Variants in PLA2G6 observed in about 807,000 individuals in gnomAD.
PLA2G6 encodes phospholipase A2 group VI, also known as 85/88 kDa calcium-independent phospholipase A2.
PLA2G6 carries 62 observed loss-of-function variants against 83.8 expected under a neutral mutation model. The observed-to-expected ratio is 0.74, with a 90% CI of 0.60 to 0.91. PLA2G6 has a LOEUF of 0.91. Ranked by LOEUF, PLA2G6 falls within the 40% of genes least tolerant of loss-of-function variation. PLA2G6 has a pLI of 0.00. For missense variants in PLA2G6, 944 were observed against 1,102.0 expected (o/e 0.86, Z 2.03); for synonymous variants, 417 against 449.8 (o/e 0.93, Z 0.92).
At chr22:38,118,329 T>C (rs1409151840) in intron 12 of PLA2G6, among the ~76,000 whole-genome samples, 2 of 152,182 alleles carry the variant, frequency 1.3e-5, no homozygotes, top group Non-Finnish European at 2.9e-5. Context: ...AAAGCTTAGC[T>C]GTTGTAGCTA....
chr22:38,162,604 C>G (rs1239768554), intron 2 of PLA2G6, among the ~76,000 whole-genome samples: 1 of 152,120 alleles, frequency 6.6e-6, no homozygotes, highest in Non-Finnish European at 1.5e-5. Context: ...TAAAGGCCAG[C>G]GCGTGGTCAT....
intron 1 of PLA2G6, among the ~76,000 whole-genome samples, chr22:38,175,529 T>C (rs1289549971): frequency 2.0e-5 from 3 of 152,228 alleles, no homozygotes; most frequent in African/African-American, 7.2e-5. Context: ...CTCAGTGCAC[T>C]TGGGGATACC....
intron 1 of PLA2G6, among the ~76,000 whole-genome samples, chr22:38,171,171 T>G (rs2090425259): frequency 2.3e-5 from 2 of 85,618 alleles, no homozygotes; most frequent in Admixed American, 1.4e-4. Flanking sequence ...AAACTCCGTC[T>G]CAAAAAAAAA....
intron 3 of PLA2G6, chr22:38,143,622 C>T (rs771733954): frequency 9.3e-6 from 4 of 430,758 alleles, no homozygotes; most frequent in South Asian, 2.1e-5. Flanking sequence ...CCTTTCTGGG[C>T]GTCAATATCC....
chr22:38,112,330 T>A, intron 16 of PLA2G6, 25 bp from the exon 17 acceptor site: 1 of 1,609,980 alleles, frequency 6.2e-7, no homozygotes, highest in Non-Finnish European at 8.5e-7. Context: ...GAGGAGGGGG[T>A]CACCCTAGGA....
intron 12 of PLA2G6, among the ~76,000 whole-genome samples, chr22:38,117,281 A>G (rs1044146310): frequency 7.2e-5 from 11 of 152,164 alleles, no homozygotes; most frequent in Non-Finnish European, 1.6e-4. Context: ...ATCTCGGCTC[A>G]CTGCAAGATC....
intron 10 of PLA2G6, chr22:38,126,148 C>T: frequency 4.8e-6 from 3 of 624,726 alleles, no homozygotes; most frequent in Non-Finnish European, 8.9e-6. Flanking sequence ...AGAAGCCTGG[C>T]ACCCTGGGCT....
intron 12 of PLA2G6, among the ~76,000 whole-genome samples, chr22:38,118,968 C>G (rs1297926936): frequency 6.6e-6 from 1 of 152,024 alleles, no homozygotes; most frequent in African/African-American, 2.4e-5. Flanking sequence ...CACTATGTTG[C>G]CCAGGCTGGT....
At chr22:38,178,952 T>C (rs2090741116) in intron 1 of PLA2G6, among the ~76,000 whole-genome samples, 1 of 152,038 alleles carries the variant, frequency 6.6e-6, no homozygotes, top group Admixed American at 6.6e-5. Flanking sequence ...CTACTAATAA[T>C]AAAGAAGATA....
chr22:38,145,656 G>A lies in PLA2G6; in HGVS notation c.210-3C>T, dbSNP rs2089204085. On this transcript the variant is annotated splice_region_variant and splice_polypyrimidine_tract_variant and intron_variant, in intron 2 of 16. Transcript: ENST00000332509. ...CCTCCAACTCCAGCTGGAAGAGTCT[G>A]TAGAGCCAGGACAGAGGAGCAAGAC... 6.2e-7 allele frequency: 1 copy of A among 1,604,788 alleles called. No homozygotes were observed. Among genetic ancestry groups the A allele is most frequent in the Non-Finnish European group, 8.5e-7 (1 of 1,173,536 alleles).
chr22:38,126,659 T>C, intron 9 of PLA2G6: 1 of 586,626 alleles, frequency 1.7e-6, no homozygotes, highest in Non-Finnish European at 3.1e-6. Flanking sequence ...TGGGCTGGAG[T>C]GGAAAGGGGG....
intron 10 of PLA2G6, 134 bp downstream of exon 10, chr22:38,126,237 T>C (rs1370686439): frequency 4.1e-6 from 3 of 740,714 alleles, no homozygotes; most frequent in Non-Finnish European, 7.4e-6. Flanking sequence ...CTGAGAACTA[T>C]AAGACTAGGA....
At chr22:38,130,172 G>C (rs1404237384) in intron 7 of PLA2G6, 2 of 183,194 alleles carry the variant, frequency 1.1e-5, no homozygotes, top group African/African-American at 4.7e-5. Flanking sequence ...TCCTCTTCTT[G>C]GGACCCGATT....
chr22:38,168,421 C>A (rs2090304847), intron 2 of PLA2G6, among the ~76,000 whole-genome samples: 1 of 152,256 alleles, frequency 6.6e-6, no homozygotes, highest in Non-Finnish European at 1.5e-5. Flanking sequence ...GCCCGGTTCC[C>A]TCAGGCCTGT....
At chr22:38,114,398 G>T (rs2087063130) in intron 14 of PLA2G6, among the ~76,000 whole-genome samples, 1 of 152,162 alleles carries the variant, frequency 6.6e-6, no homozygotes, top group South Asian at 2.1e-4. Flanking sequence ...TGTTAGCCAG[G>T]ATGGTCTCGA....
chr22:38,148,412 G>A, intron 2 of PLA2G6: 1 of 693,260 alleles, frequency 1.4e-6, no homozygotes, highest in Non-Finnish European at 2.7e-6. Flanking sequence ...ACCTACTGAG[G>A]ACAGCCAGAA....
At position 38,121,043 on chromosome 22, in the gene PLA2G6, T is replaced by C. The variant is rs2087501219; in HGVS notation, c.1592-134A>G. On this transcript the variant is annotated intron_variant, in intron 11 of 16. Coordinates refer to ENST00000332509, the MANE Select transcript of PLA2G6 (RefSeq NM_003560.4). Reference sequence around the variant, plus strand: ...TTACCGAGGCCTAAGCAAACCCAAATTCTGGGCCCTTCCTTTGCAACCTCC... The same window carrying C: ...TTACCGAGGCCTAAGCAAACCCAAACTCTGGGCCCTTCCTTTGCAACCTCC... 5.6e-6 allele frequency: 5 copies of C among 897,412 alleles called. No homozygotes were observed. In the South Asian group the frequency reaches 7.8e-5, roughly 14 times the overall value. The allele number at this position is 897,412 out of a possible 1,614,324, so 55.6% of individuals were successfully genotyped here. A position where few individuals can be genotyped will look rare whatever the true frequency, so the allele number is the denominator to read the frequency against.
At chr22:38,172,581 T>C (rs1251049445) in intron 1 of PLA2G6, among the ~76,000 whole-genome samples, 1 of 152,210 alleles carries the variant, frequency 6.6e-6, no homozygotes, top group Non-Finnish European at 1.5e-5. Context: ...TCAAAGGAAG[T>C]AGCAGTATAG....
At chr22:38,156,954 A>G (rs1450205228) in intron 2 of PLA2G6, among the ~76,000 whole-genome samples, 2 of 152,202 alleles carry the variant, frequency 1.3e-5, no homozygotes, top group Non-Finnish European at 2.9e-5. Flanking sequence ...ACAACATATC[A>G]AAACCTGTGA....
Sources: allele counts gnomAD v4.1 joint callset (sites outside exome capture counted in the v4.1 genomes callset), GRCh38; gene constraint gnomAD v4.1.1; transcripts MANE v1.5; gene names NCBI Gene and HGNC (gene_info 2026-07-23, HGNC 2026-07-21).